Variants in MACROD2 observed in about 807,000 individuals in gnomAD.
The protein encoded by MACROD2 is mono-ADP ribosylhydrolase 2.
A neutral mutation model predicts 70.4 loss-of-function variants in MACROD2; 36 were observed. The observed-to-expected ratio is 0.51, with a 90% CI of 0.39 to 0.68. The LOEUF is 0.68. Among genes scored for constraint, MACROD2 ranks in the 30% least tolerant of loss-of-function variants. MACROD2 has a pLI of 0.00. For synonymous variants in MACROD2, 172 were observed against 178.8 expected (o/e 0.96, Z 0.30); for missense variants, 496 against 538.4 (o/e 0.92, Z 0.78).
chr20:14,942,219 A>G (rs1029231484), intron 5 of MACROD2, among the ~76,000 whole-genome samples: 36 of 152,148 alleles, frequency 2.4e-4, no homozygotes, highest in African/African-American at 8.4e-4. Context: ...TTGTGCTTTT[A>G]AAATATGTTC....
At chr20:15,038,670 G>C (rs1197592399) in intron 5 of MACROD2, among the ~76,000 whole-genome samples, 1 of 152,140 alleles carries the variant, frequency 6.6e-6, no homozygotes, top group Non-Finnish European at 1.5e-5. Context: ...TTATTAAGGG[G>C]TGACGTTCAA....
intron 8 of MACROD2, among the ~76,000 whole-genome samples, chr20:15,815,599 T>C (rs2063865251): frequency 1.3e-5 from 2 of 152,186 alleles, no homozygotes; most frequent in African/African-American, 2.4e-5. Context: ...TTCCTGATCG[T>C]AGCAGAATGA....
At chr20:14,178,461 T>G (rs2148729299) in intron 3 of MACROD2, among the ~76,000 whole-genome samples, 1 of 152,308 alleles carries the variant, frequency 6.6e-6, no homozygotes, top group Middle Eastern at 3.4e-3. Flanking sequence ...GGGCACTTCT[T>G]TCATATGAGA....
chr20:14,878,530 A>T (rs1275997506), intron 5 of MACROD2, among the ~76,000 whole-genome samples: 1 of 152,178 alleles, frequency 6.6e-6, no homozygotes, highest in African/African-American at 2.4e-5. Flanking sequence ...GAGAAACATT[A>T]CAAAATAGAG....
intron 5 of MACROD2, among the ~76,000 whole-genome samples, chr20:14,816,032 C>A (rs1199618835): frequency 6.6e-6 from 1 of 152,020 alleles, no homozygotes; most frequent in Non-Finnish European, 1.5e-5. Context: ...ATCAGATGTT[C>A]CTTTCCATCA....
chr20:14,154,552 A>ATTTTT (rs869299523), intron 3 of MACROD2, among the ~76,000 whole-genome samples: 5 of 106,652 alleles, frequency 4.7e-5, no homozygotes, highest in South Asian at 3.1e-4. Context: ...CGCCCGGCTA[A>ATTTTT]TTTTTTTTTT....
At chr20:15,887,449 C>T (rs1363391456) in intron 10 of MACROD2, among the ~76,000 whole-genome samples, 2 of 152,128 alleles carry the variant, frequency 1.3e-5, no homozygotes, top group Non-Finnish European at 2.9e-5. Flanking sequence ...TGTTGGTGCC[C>T]TACTTATGTC....
chr20:15,664,969 T>C (rs6074931), intron 8 of MACROD2, among the ~76,000 whole-genome samples: 6,697 of 152,210 alleles, frequency 0.044, 219 homozygotes, highest in Non-Finnish European at 0.059. Context: ...TGATAGGGCA[T>C]CCGTGGATGA....
chr20:15,014,238 C>CTTTAT (rs1300486838), intron 5 of MACROD2, among the ~76,000 whole-genome samples: 11 of 152,124 alleles, frequency 7.2e-5, no homozygotes, highest in African/African-American at 2.7e-4. Flanking sequence ...TAACTCTTAC[C>CTTTAT]AAGTTTAAAA....
chr20:14,717,273 C>A (rs2071407688), intron 5 of MACROD2, among the ~76,000 whole-genome samples: 1 of 152,102 alleles, frequency 6.6e-6, no homozygotes, highest in Admixed American at 6.5e-5. Context: ...AAGTTCGTTT[C>A]CTGGTGCAGT....
Position 14,176,295 on chromosome 20 carries a change from A to G in MACROD2, c.271+90567A>G, listed in dbSNP as rs192337028. Among the ~76,000 whole-genome samples, 5 of 152,326 alleles carry G rather than the reference A, an allele frequency of 3.3e-5. No individual in the cohort carries two copies. In the East Asian group the frequency reaches 9.6e-4, roughly 29 times the overall value. On this transcript the variant is annotated intron_variant, in intron 3 of 17. Coordinates refer to ENST00000684519, the MANE Select transcript of MACROD2 (RefSeq NM_001351661.2). ...TCAAAATAATTAAAATTCATAAAAC[A>G]CATGTAACAGATGGCATAAGTGTTT...
At chr20:15,795,881 A>G (rs944207052) in intron 8 of MACROD2, among the ~76,000 whole-genome samples, 15 of 152,198 alleles carry the variant, frequency 9.9e-5, no homozygotes, top group Admixed American at 2.6e-4. Flanking sequence ...TCCTGTCCAC[A>G]GAAGGCTGGA....
At chr20:15,387,341 T>C (rs1354837859) in intron 6 of MACROD2, among the ~76,000 whole-genome samples, 5 of 150,628 alleles carry the variant, frequency 3.3e-5, no homozygotes, top group Non-Finnish European at 5.9e-5. Flanking sequence ...CTCCCTTCCT[T>C]CCCTCTCTGC....
At chr20:14,656,063 C>T (rs1398055682) in intron 4 of MACROD2, among the ~76,000 whole-genome samples, 1 of 152,192 alleles carries the variant, frequency 6.6e-6, no homozygotes, top group African/African-American at 2.4e-5. Flanking sequence ...GAAGCTCTTA[C>T]AGTTACTTAC....
chr20:15,434,860 G>A (rs1374630845), intron 7 of MACROD2, among the ~76,000 whole-genome samples: 1 of 152,116 alleles, frequency 6.6e-6, no homozygotes, highest in African/African-American at 2.4e-5. Flanking sequence ...ATGAAATAAT[G>A]TCTTTTGCAG....
chr20:15,198,373 A>G (rs2076625403), intron 5 of MACROD2, among the ~76,000 whole-genome samples: 1 of 152,178 alleles, frequency 6.6e-6, no homozygotes, highest in African/African-American at 2.4e-5. Context: ...AGCATTGCCA[A>G]CGCGTCAGTT....
At chr20:15,498,576 C>T (rs186358852) in intron 7 of MACROD2, among the ~76,000 whole-genome samples, 89 of 152,182 alleles carry the variant, frequency 5.8e-4, no homozygotes, top group Middle Eastern at 3.4e-3. Flanking sequence ...AAGAATAAGA[C>T]GTGGAAGAAG....
intron 5 of MACROD2, among the ~76,000 whole-genome samples, chr20:14,910,943 G>A (rs1330656288): frequency 1.3e-5 from 2 of 152,098 alleles, no homozygotes; most frequent in Non-Finnish European, 2.9e-5. Context: ...ACACACATAC[G>A]TATGTTATTG....
At chr20:15,922,993 A>G (rs2065433739) in intron 10 of MACROD2, among the ~76,000 whole-genome samples, 1 of 152,164 alleles carries the variant, frequency 6.6e-6, no homozygotes, top group Non-Finnish European at 1.5e-5. Flanking sequence ...AAATATTAGT[A>G]TAGCCATGAG....
Sources: allele counts gnomAD v4.1 joint callset (sites outside exome capture counted in the v4.1 genomes callset), GRCh38; gene constraint gnomAD v4.1.1; transcripts MANE v1.5; gene names NCBI Gene and HGNC (gene_info 2026-07-23, HGNC 2026-07-21).